The following CCDC91 variants were observed in gnomAD, a reference collection of about 807,000 sequenced individuals.
The protein encoded by CCDC91 is coiled-coil domain containing 91.
In CCDC91, 48 loss-of-function variants were observed where a neutral mutation model predicts 63.2. The ratio of observed to expected loss-of-function variants is 0.76; its 90% CI spans 0.60 to 0.97. The LOEUF (loss-of-function observed/expected upper bound fraction) is 0.97. Among genes scored for constraint, CCDC91 ranks in the 50% least tolerant of loss-of-function variants. CCDC91 has a pLI of 0.00. For missense variants in CCDC91, 500 were observed against 494.6 expected, an observed-to-expected ratio of 1.01 and a Z score of -0.10; for synonymous variants, 167 against 165.8, an observed-to-expected ratio of 1.01 and a Z score of -0.06.
Position 28,259,448 on chromosome 12 carries a change from G to A in CCDC91, c.109+6G>A. The stretch of plus-strand genomic sequence containing the variant: ...TTGGGCTGCCTTTCCTGCAGGTATT[G>A]GTATCCAGGAATTAGGGTTTTTTTT... On this transcript the variant is annotated splice_donor_region_variant and intron_variant, in intron 3 of 12. Coordinates refer to ENST00000536442, the MANE Select transcript of CCDC91 (RefSeq NM_018318.5). 6.5e-7 allele frequency: 1 copy of A among 1,546,690 alleles called. No homozygotes were observed. Among genetic ancestry groups the A allele is most frequent in the Non-Finnish European group, 8.9e-7 (1 of 1,126,592 alleles).
chr12:28,221,029 A>G (rs1943904601), intron 1 of CCDC91, among the ~76,000 whole-genome samples: 1 of 152,032 alleles, frequency 6.6e-6, no homozygotes, highest in South Asian at 2.1e-4. Context: ...TTTCTTCTGT[A>G]TCTTCCCTTT....
intron 8 of CCDC91, among the ~76,000 whole-genome samples, chr12:28,430,686 C>T (rs1310530282): frequency 1.3e-5 from 2 of 152,140 alleles, no homozygotes; most frequent in African/African-American, 2.4e-5. Context: ...AATTATTCCA[C>T]ACTTCTCTGT....
At chr12:28,432,344 C>G (rs1434348036) in intron 8 of CCDC91, among the ~76,000 whole-genome samples, 1 of 152,060 alleles carries the variant, frequency 6.6e-6, no homozygotes, top group Admixed American at 6.6e-5. Context: ...CACCTCCTGT[C>G]TAGGGAGGGA....
At chr12:28,283,844 G>A (rs1948749031) in intron 3 of CCDC91, among the ~76,000 whole-genome samples, 1 of 152,120 alleles carries the variant, frequency 6.6e-6, no homozygotes, top group South Asian at 2.1e-4. Flanking sequence ...ATGATATCAT[G>A]TGGATGCTCA....
intron 12 of CCDC91, among the ~76,000 whole-genome samples, chr12:28,501,151 A>G (rs2141125436): frequency 6.6e-6 from 1 of 152,062 alleles, no homozygotes; most frequent in Non-Finnish European, 1.5e-5. Flanking sequence ...GTCATCAGCA[A>G]ACAGGGACAA....
At chr12:28,534,945 AAGTTTGTGTGTGT>A (rs1942032978) in intron 12 of CCDC91, among the ~76,000 whole-genome samples, 1 of 152,172 alleles carries the variant, frequency 6.6e-6, no homozygotes, top group Non-Finnish European at 1.5e-5. Flanking sequence ...ATTTTTGGTA[AAGTTTGTGTGTGT>A]ATATATGCTG....
intron 8 of CCDC91, among the ~76,000 whole-genome samples, chr12:28,394,601 GA>G (rs1946167594): frequency 6.6e-6 from 1 of 152,150 alleles, no homozygotes; most frequent in South Asian, 2.1e-4. Context: ...CATTTGAAAT[GA>G]AATTAGTACC....
intron 1 of CCDC91, among the ~76,000 whole-genome samples, chr12:28,199,425 T>C (rs534298290): frequency 6.6e-6 from 1 of 152,180 alleles, no homozygotes; most frequent in Non-Finnish European, 1.5e-5. Flanking sequence ...AACACTGATT[T>C]ATAATTCTTG....
intron 1 of CCDC91, among the ~76,000 whole-genome samples, chr12:28,234,799 AT>A (rs1241245793): frequency 6.6e-6 from 1 of 151,944 alleles, no homozygotes; most frequent in East Asian, 1.9e-4. Context: ...ACAGCTACCA[AT>A]TGTCAGTCTT....
intron 8 of CCDC91, among the ~76,000 whole-genome samples, chr12:28,394,412 C>G (rs565003324): frequency 1.3e-5 from 2 of 151,794 alleles, no homozygotes; most frequent in South Asian, 2.1e-4. Context: ...CTTGCAGTGA[C>G]CCGAGATCAT....
chr12:28,493,014 T>A (rs7309936), intron 12 of CCDC91, among the ~76,000 whole-genome samples: 1 of 151,500 alleles, frequency 6.6e-6, no homozygotes, highest in Non-Finnish European at 1.5e-5. Flanking sequence ...AAATGGAAAT[T>A]TAAGTTGTTT....
At chr12:28,268,041 A>G (rs1167643420) in intron 3 of CCDC91, among the ~76,000 whole-genome samples, 1 of 136,708 alleles carries the variant, frequency 7.3e-6, no homozygotes, top group Non-Finnish European at 1.5e-5. Context: ...ATTATTAATT[A>G]AAAATTAAAA....
chr12:28,401,393 GC>G (rs1045124794), intron 8 of CCDC91, among the ~76,000 whole-genome samples: 1 of 152,060 alleles, frequency 6.6e-6, no homozygotes. Context: ...AAGGATAACT[GC>G]CCCCATGATT....
At chr12:28,408,188 T>C (rs994299013) in intron 8 of CCDC91, among the ~76,000 whole-genome samples, 16 of 152,052 alleles carry the variant, frequency 1.1e-4, no homozygotes, top group Non-Finnish European at 2.1e-4. Flanking sequence ...CCAGTGTCCA[T>C]GTGTTCTCAT....
intron 8 of CCDC91, among the ~76,000 whole-genome samples, chr12:28,402,277 G>T (rs538856726): frequency 6.6e-6 from 1 of 152,174 alleles, no homozygotes; most frequent in Non-Finnish European, 1.5e-5. Context: ...AACGTTGACT[G>T]TCTTTATTTT....
At chr12:28,383,751 T>G (rs1193651128) in intron 7 of CCDC91, among the ~76,000 whole-genome samples, 1 of 152,130 alleles carries the variant, frequency 6.6e-6, no homozygotes, top group African/African-American at 2.4e-5. Flanking sequence ...TAGATTTTAC[T>G]CATATTATTT....
chr12:28,325,857 AT>A lies in CCDC91; in HGVS notation c.576+18112del, dbSNP rs527512101. Among the ~76,000 whole-genome samples, 123 of 152,130 alleles carry A rather than the reference AT, an allele frequency of 8.1e-4. 2 individuals carry two copies. In the South Asian group the frequency reaches 0.018, roughly 22 times the overall value. On this transcript the variant is annotated intron_variant, in intron 6 of 12. Coordinates refer to ENST00000536442, the MANE Select transcript of CCDC91 (RefSeq NM_018318.5). Reference sequence around the variant, plus strand: ...ACTTCTATTTAGGAAATATTATTCTATTTTAGTTGTGTTTAATTTTATATTT... The same window carrying A: ...ACTTCTATTTAGGAAATATTATTCTATTTAGTTGTGTTTAATTTTATATTT...
chr12:28,538,102 GTTTTTTTATTTTTAGGGTT>G (rs1942324604), intron 12 of CCDC91, among the ~76,000 whole-genome samples: 1 of 141,790 alleles, frequency 7.1e-6, no homozygotes, highest in Non-Finnish European at 1.5e-5. Flanking sequence ...TAATTTTAGG[GTTTTTTTATTTTTAGGGTT>G]TTTTTTTAAG....
At chr12:28,539,379 C>A (rs1435062874) in intron 12 of CCDC91, among the ~76,000 whole-genome samples, 1 of 152,128 alleles carries the variant, frequency 6.6e-6, no homozygotes, top group Non-Finnish European at 1.5e-5. Context: ...TTCCCCATTT[C>A]TTGTTTTTGT....
Sources: gnomAD v4.1 joint callset for allele counts (sites outside exome capture counted in the v4.1 genomes callset) on GRCh38, gnomAD v4.1.1 for gene constraint, MANE v1.5 for transcripts, NCBI Gene and HGNC (gene_info 2026-07-23, HGNC 2026-07-21) for gene names.